ERI1: variants seen among roughly 807,000 people sequenced by gnomAD.
ERI1 encodes the protein exoribonuclease 1, also known as 3'-5' exoribonuclease 1.
Under a neutral mutation model 39.7 loss-of-function variants are expected in ERI1, and 39 were observed. That is an observed-to-expected ratio of 0.98 (90% CI 0.76 to 1.28). ERI1 has a LOEUF of 1.28. ERI1 is among the 50% of genes most tolerant of loss of function. The probability of loss-of-function intolerance (pLI) is 0.00; values close to 1 mark genes in which losing one functional copy is unlikely to be tolerated. For missense variants in ERI1, 581 were observed against 416.9 expected, an observed-to-expected ratio of 1.39 and a Z score of -3.43; for synonymous variants, 204 against 149.6, an observed-to-expected ratio of 1.36 and a Z score of -2.65.
At chr8:9,066,733 G>A (rs1010415828) in intron 3 of ERI1, among the ~76,000 whole-genome samples, 3 of 152,120 alleles carry the variant, frequency 2.0e-5, no homozygotes, top group Admixed American at 1.3e-4. Context: ...AGAAATAAGA[G>A]GTCTGGCAGC....
downstream of ERI1, among the ~76,000 whole-genome samples, chr8:9,033,684 A>G (rs770117309): frequency 6.6e-6 from 1 of 152,214 alleles, no homozygotes; most frequent in African/African-American, 2.4e-5. Flanking sequence ...CAGATGGGAA[A>G]GTTGAGGTCC....
chr8:9,017,005 CTG>C (rs1563320477), intron 4 of ERI1, among the ~76,000 whole-genome samples: 1 of 152,022 alleles, frequency 6.6e-6, no homozygotes, highest in African/African-American at 2.4e-5. Context: ...TAGAATGTAT[CTG>C]TTTACAACCT....
At chr8:9,096,708 C>CTTTTTTTTTTTTTTTT (rs557869870) in intron 3 of ERI1, 2 of 96,546 alleles carry the variant, frequency 2.1e-5, no homozygotes, top group Non-Finnish European at 3.7e-5. Flanking sequence ...CTATTGCCAT[C>CTTTTTTTTTTTTTTTT]TTTTTTTTTT....
intron 6 of ERI1, among the ~76,000 whole-genome samples, chr8:9,027,867 T>G (rs1264647453): frequency 6.6e-6 from 1 of 152,230 alleles, no homozygotes; most frequent in Non-Finnish European, 1.5e-5. Flanking sequence ...TGTTAATGCT[T>G]GTGTTAACAT....
At chr8:9,025,278 C>CAA (rs764492675) in intron 6 of ERI1, among the ~76,000 whole-genome samples, 30 of 152,274 alleles carry the variant, frequency 2.0e-4, no homozygotes, top group Admixed American at 4.6e-4. Flanking sequence ...CAAGCCCAAG[C>CAA]AAAAGGTGGA....
chr8:9,083,443 A>G (rs970925937), intron 3 of ERI1, among the ~76,000 whole-genome samples: 1 of 152,158 alleles, frequency 6.6e-6, no homozygotes, highest in Non-Finnish European at 1.5e-5. Flanking sequence ...TCGATGCCTT[A>G]TAAACTTTTA....
intron 1 of ERI1, chr8:9,003,948 G>A (rs377500688): frequency 1.8e-6 from 1 of 547,990 alleles, no homozygotes. Flanking sequence ...GCTAGAATGA[G>A]CTTTTCAATA....
At chr8:9,015,914 A>G (rs1287432221) in intron 3 of ERI1, among the ~76,000 whole-genome samples, 3 of 152,178 alleles carry the variant, frequency 2.0e-5, no homozygotes, top group Non-Finnish European at 2.9e-5. Flanking sequence ...AGAGAAAAAT[A>G]GTTTAAAGCT....
At chr8:9,090,361 T>C (rs140819746) in intron 3 of ERI1, among the ~76,000 whole-genome samples, 1 of 152,168 alleles carries the variant, frequency 6.6e-6, no homozygotes, top group Non-Finnish European at 1.5e-5. Context: ...TTCAAAGTTC[T>C]CATTGGTTGA....
chr8:9,049,407 G>A (rs1187712817), intron 3 of ERI1, among the ~76,000 whole-genome samples: 1 of 135,530 alleles, frequency 7.4e-6, no homozygotes, highest in Non-Finnish European at 1.6e-5. Context: ...AAAAAAAAAT[G>A]TCAAGTATTG....
At chr8:9,045,378 G>C (rs908096937) in intron 3 of ERI1, among the ~76,000 whole-genome samples, 2 of 152,062 alleles carry the variant, frequency 1.3e-5, no homozygotes, top group Admixed American at 6.6e-5. Flanking sequence ...GCACTGAAAC[G>C]AATTGCTCAC....
At position 9,098,684 on chromosome 8, in the gene ERI1, G is replaced by A. The variant is rs1283921899; in HGVS notation, n.300-17664G>A. Among the ~76,000 whole-genome samples the A allele has an allele frequency of 3.3e-5, 5 of 152,014 alleles. No individual in the cohort carries two copies. The East Asian group carries it at 9.7e-4, about 29-fold the overall frequency. ...AGTCACCACAAAAGACCTTATTCAT[G>A]TAACCAAATACCACCTGTTCCCCAA... On this transcript the variant is annotated intron_variant and non_coding_transcript_variant, in intron 3 of 3. Coordinates refer to the ERI1 transcript ENST00000518663.
At chr8:9,075,004 TC>T (rs1417804889) in intron 3 of ERI1, among the ~76,000 whole-genome samples, 1 of 152,118 alleles carries the variant, frequency 6.6e-6, no homozygotes, top group African/African-American at 2.4e-5. Context: ...ATTCCTCTGG[TC>T]CCGTGGAAGC....
intron 5 of ERI1, among the ~76,000 whole-genome samples, chr8:9,019,191 G>A (rs947211802): frequency 6.6e-6 from 1 of 152,152 alleles, no homozygotes; most frequent in Non-Finnish European, 1.5e-5. Flanking sequence ...GATGACAGAC[G>A]TTGTGCCAGG....
chr8:9,038,137 A>C (rs1238322389), downstream of ERI1, among the ~76,000 whole-genome samples: 2 of 152,224 alleles, frequency 1.3e-5, no homozygotes, highest in East Asian at 3.8e-4. Flanking sequence ...TGGAGTCTCC[A>C]TACCATAGAA....
At chr8:9,052,696 C>A (rs1798398245) in intron 3 of ERI1, among the ~76,000 whole-genome samples, 1 of 152,164 alleles carries the variant, frequency 6.6e-6, no homozygotes, top group South Asian at 2.1e-4. Context: ...CATTTCAGAA[C>A]TATGGTATAA....
At chr8:9,049,622 G>A (rs1436061661) in intron 3 of ERI1, among the ~76,000 whole-genome samples, 1 of 151,870 alleles carries the variant, frequency 6.6e-6, no homozygotes, top group Non-Finnish European at 1.5e-5. Context: ...CTTCCTTTAG[G>A]AAATACTTAA....
chr8:9,062,365 C>G (rs1798729045), intron 3 of ERI1, among the ~76,000 whole-genome samples: 2 of 151,608 alleles, frequency 1.3e-5, no homozygotes, highest in African/African-American at 4.8e-5. Flanking sequence ...TGGCTGTAGT[C>G]CAGGAACAGT....
intron 3 of ERI1, among the ~76,000 whole-genome samples, chr8:9,072,930 G>A (rs749228701): frequency 2.0e-5 from 3 of 152,194 alleles, no homozygotes; most frequent in Non-Finnish European, 2.9e-5. Context: ...GCCGGGATGC[G>A]TCTTTCGGCC....
Sources: allele counts gnomAD v4.1 joint callset (sites outside exome capture counted in the v4.1 genomes callset), GRCh38; gene constraint gnomAD v4.1.1; transcripts MANE v1.5; gene names NCBI Gene and HGNC (gene_info 2026-07-23, HGNC 2026-07-21).